HHIP: variants seen among roughly 807,000 people sequenced by gnomAD.
HHIP encodes the protein hedgehog interacting protein.
In HHIP, 12 loss-of-function variants were observed where a neutral mutation model predicts 74.0. The observed-to-expected ratio is 0.16, with a 90% CI of 0.10 to 0.26. The LOEUF (loss-of-function observed/expected upper bound fraction) is 0.26, where lower values mean the gene tolerates loss of function less well. Ranked by LOEUF, HHIP falls within the 10% of genes least tolerant of loss-of-function variation. The pLI is 1.00. For missense variants in HHIP, 788 were observed against 845.0 expected (o/e 0.93, Z 0.84); for synonymous variants, 309 against 311.6 (o/e 0.99, Z 0.09).
chr4:144,718,849 C>G, intron 10 of HHIP, 26 bp from the exon 11 acceptor site: 1 of 1,448,244 alleles, frequency 6.9e-7, no homozygotes, highest in Non-Finnish European at 9.7e-7. Context: ...TATAAATTTG[C>G]TTATTGTTAT....
chr4:144,647,091 G>A, intron 1 of HHIP, 137 bp downstream of exon 1: 1 of 684,944 alleles, frequency 1.5e-6, no homozygotes. Context: ...TTTCTATAGC[G>A]CTAACGTGAT....
chr4:144,700,607 GAGA>G (rs1195487835), intron 4 of HHIP, among the ~76,000 whole-genome samples: 3 of 152,160 alleles, frequency 2.0e-5, no homozygotes, highest in Non-Finnish European at 4.4e-5. Flanking sequence ...GATGTGATAT[GAGA>G]AGGATTCAAT....
At chr4:144,669,354 T>A (rs760558938) in intron 4 of HHIP, among the ~76,000 whole-genome samples, 4 of 152,194 alleles carry the variant, frequency 2.6e-5, no homozygotes, top group Non-Finnish European at 4.4e-5. Context: ...GCATGACCTG[T>A]GATACCAGCT....
chr4:144,669,819 T>C (rs562562289), intron 4 of HHIP, among the ~76,000 whole-genome samples: 1 of 152,062 alleles, frequency 6.6e-6, no homozygotes, highest in African/African-American at 2.4e-5. Flanking sequence ...TTTTCAAACA[T>C]GCAAATATTG....
chr4:144,675,327 T>G (rs1163049401), intron 4 of HHIP, among the ~76,000 whole-genome samples: 2 of 152,176 alleles, frequency 1.3e-5, no homozygotes, highest in African/African-American at 4.8e-5. Flanking sequence ...ACAATTAATT[T>G]TTCACAAAAT....
intron 4 of HHIP, among the ~76,000 whole-genome samples, chr4:144,695,273 A>G (rs1472737114): frequency 6.6e-6 from 1 of 151,882 alleles, no homozygotes; most frequent in Admixed American, 6.6e-5. Flanking sequence ...ATTCTGTGGC[A>G]TCATCTAGTC....
intron 4 of HHIP, among the ~76,000 whole-genome samples, chr4:144,662,149 C>T (rs1261289640): frequency 6.6e-6 from 1 of 152,148 alleles, no homozygotes; most frequent in Non-Finnish European, 1.5e-5. Flanking sequence ...ATCTGGAATT[C>T]CTTGTCTGCT....
chr4:144,663,740 G>A (rs1728780849), intron 4 of HHIP, among the ~76,000 whole-genome samples: 1 of 152,032 alleles, frequency 6.6e-6, no homozygotes, highest in African/African-American at 2.4e-5. Context: ...ATCTTTTTCT[G>A]TTTTTGTTCC....
At chr4:144,703,880 C>T (rs1391714886) in intron 4 of HHIP, among the ~76,000 whole-genome samples, 2 of 152,166 alleles carry the variant, frequency 1.3e-5, no homozygotes, top group African/African-American at 4.8e-5. Flanking sequence ...GCCCAATCAA[C>T]ATATTTCTTC....
chr4:144,737,315 G>C (rs1417759294), intron 12 of HHIP, among the ~76,000 whole-genome samples: 2 of 152,142 alleles, frequency 1.3e-5, no homozygotes, highest in African/African-American at 4.8e-5. Flanking sequence ...AAAACTGACT[G>C]TTCCTTTCTG....
intron 2 of HHIP, among the ~76,000 whole-genome samples, chr4:144,655,790 G>A (rs988739500): frequency 2.6e-5 from 4 of 151,544 alleles, no homozygotes; most frequent in Non-Finnish European, 4.4e-5. Context: ...CACTTATAAT[G>A]AGGAAAAATA....
intron 11 of HHIP, among the ~76,000 whole-genome samples, chr4:144,727,672 T>C (rs992386879): frequency 1.3e-5 from 2 of 152,188 alleles, no homozygotes; most frequent in Non-Finnish European, 2.9e-5. Context: ...TTCTCCTAGG[T>C]TTTCCCTGTA....
intron 4 of HHIP, among the ~76,000 whole-genome samples, chr4:144,699,375 C>T (rs1466775674): frequency 6.6e-6 from 1 of 152,146 alleles, no homozygotes; most frequent in Non-Finnish European, 1.5e-5. Flanking sequence ...GGGTGCTGTA[C>T]AGAGCTCCCC....
chr4:144,693,863 GA>G (rs1729744676), intron 4 of HHIP, among the ~76,000 whole-genome samples: 1 of 151,576 alleles, frequency 6.6e-6, no homozygotes, highest in Non-Finnish European at 1.5e-5. Context: ...TTTTTATTCA[GA>G]ATTAATACAA....
intron 4 of HHIP, among the ~76,000 whole-genome samples, chr4:144,685,177 T>C (rs1355682997): frequency 6.6e-6 from 1 of 152,220 alleles, no homozygotes. Context: ...GAAATTTTTA[T>C]CTAGAAGTGT....
chr4:144,699,039 A>G (rs1368440006), intron 4 of HHIP, among the ~76,000 whole-genome samples: 1 of 152,230 alleles, frequency 6.6e-6, no homozygotes, highest in African/African-American at 2.4e-5. Flanking sequence ...TCCCACACCA[A>G]TTGTGCGTCC....
At position 144,742,974 on chromosome 4, in the gene HHIP, TATA is replaced by T. The variant is rs1560729121; in HGVS notation, c.*5018_*5020del. ...ATCTTATACATATAAGATATATGTA[TATA>T]TATATACATTATATATATATAATAT... On this transcript the variant is annotated 3_prime_UTR_variant, in exon 13 of 13. Transcript: ENST00000296575. The T allele has an allele frequency of 1.1e-4, 15 of 132,472 alleles. 1 individual carries two copies. The Admixed American group carries it at 1.2e-3, about 11-fold the overall frequency. 8.2% of individuals were successfully genotyped at this position (132,472 alleles called of 1,614,324 possible). A position where few individuals can be genotyped will look rare whatever the true frequency, so the allele number is the denominator to read the frequency against.
At chr4:144,649,942 T>G (rs2126573286) in intron 1 of HHIP, among the ~76,000 whole-genome samples, 1 of 152,286 alleles carries the variant, frequency 6.6e-6, no homozygotes. Flanking sequence ...AGCACTATAG[T>G]TCAGAGACAC....
rs1731293891 is a variant in HHIP, at chr4:144,742,927, T to C, written c.*4970T>C. 1.6e-5 allele frequency: 2 copies of C among 126,096 alleles called. No individual in the cohort carries two copies. The highest frequency in any genetic ancestry group is 4.7e-4 in the South Asian group (2 of 4,260). 7.8% of individuals were successfully genotyped at this position (126,096 alleles called of 1,614,324 possible). A position where few individuals can be genotyped will look rare whatever the true frequency, so the allele number is the denominator to read the frequency against. On this transcript the variant is annotated 3_prime_UTR_variant, in exon 13 of 13. Coordinates refer to ENST00000296575, the MANE Select transcript of HHIP (RefSeq NM_022475.3). ...TTTATATATATCTTATATATATATC[T>C]TTATATATATCTTATATATATATCT...
Sources: gnomAD v4.1 joint callset for allele counts (sites outside exome capture counted in the v4.1 genomes callset) on GRCh38, gnomAD v4.1.1 for gene constraint, MANE v1.5 for transcripts, NCBI Gene and HGNC (gene_info 2026-07-23, HGNC 2026-07-21) for gene names.